The following ROS1 variants were observed in gnomAD, a reference collection of about 807,000 sequenced individuals.
The protein encoded by ROS1 is ROS proto-oncogene 1, receptor tyrosine kinase, also known as proto-oncogene tyrosine-protein kinase ROS.
ROS1 carries 263 observed loss-of-function variants against 273.5 expected under a neutral mutation model. The ratio of observed to expected loss-of-function variants is 0.96; its 90% confidence interval spans 0.87 to 1.06. The LOEUF is 1.06. Among genes scored for constraint, ROS1 ranks in the 50% least tolerant of loss-of-function variants. The probability of loss-of-function intolerance (pLI) is 0.00; values close to 1 mark genes in which losing one functional copy is unlikely to be tolerated. For synonymous variants in ROS1, 1,008 were observed against 954.1 expected (o/e 1.06, Z -1.04); for missense variants, 2,833 against 2,751.1 (o/e 1.03, Z -0.67).
At chr6:117,386,746 T>C (rs1263160147) in intron 15 of ROS1, 143 bp downstream of exon 15, 2 of 483,164 alleles carry the variant, frequency 4.1e-6, no homozygotes, top group South Asian at 5.1e-5. Context: ...ACAGAATCAC[T>C]GGCAGTAGAG....
At position 117,301,100 on chromosome 6, in the gene ROS1, C is replaced by A; in HGVS notation, c.6589G>T (p.Asp2197Tyr). Residue 2197 changes from aspartate to tyrosine, a missense_variant, in exon 43 of 44, where the codon GAC becomes TAC. Asp to Tyr is a radical substitution (Grantham distance 160, BLOSUM62 -3). Coordinates refer to ENST00000368507, the MANE Select transcript of ROS1 (RefSeq NM_001378902.1). ...ATTCTATGAAAAGTAGGTCTTTGGT[C>A]GGGTTCTTGAGCCCAGCACTGGGTC... ...LMTQCWAQEP[D>Y]QRPTFHRIQD... is the part of the protein sequence containing the mutation. 1 of 1,600,056 alleles carries A rather than the reference C, an allele frequency of 6.2e-7. No individual in the cohort carries two copies. Among genetic ancestry groups the A allele is most frequent in the South Asian group, 1.2e-5 (1 of 86,910 alleles).
rs762771757 is a variant in ROS1, at chr6:117,320,033, G to A, written c.5760-3C>T. 6.2e-7 allele frequency: 1 copy of A among 1,612,534 alleles called. No individual in the cohort carries two copies. Among genetic ancestry groups the A allele is most frequent in the Admixed American group, 1.7e-5 (1 of 59,814 alleles). On this transcript the variant is annotated splice_polypyrimidine_tract_variant and splice_region_variant and intron_variant, in intron 36 of 43. Transcript: ENST00000368507. ...TCTCCTCTTGGGTTGGAAGAGTACTGTAAAATAGCAACATTTTTGTCTCCC... is the reference window on the plus strand; with the variant it reads ...TCTCCTCTTGGGTTGGAAGAGTACTATAAAATAGCAACATTTTTGTCTCCC...
intron 21 of ROS1, among the ~76,000 whole-genome samples, chr6:117,363,387 G>A (rs777143625): frequency 1.4e-4 from 21 of 152,156 alleles, no homozygotes; most frequent in Non-Finnish European, 2.9e-4. Flanking sequence ...TACCCCAAGA[G>A]TAAGGTTTGG....
At position 117,390,888 on chromosome 6, in the gene ROS1, A is replaced by C. The variant is rs73568832; in HGVS notation, c.1290-1042T>G. The stretch of plus-strand genomic sequence containing the variant: ...AGAAAACATACTGCCAAAATATTTC[A>C]TTGACAATGAAATATGTAAATAAAC... On this transcript the variant is annotated intron_variant, in intron 12 of 43. Transcript: ENST00000368507. Among the ~76,000 whole-genome samples the C allele has an allele frequency of 7.7e-3, 1,167 of 152,334 alleles. 11 individuals carry two copies. The highest frequency in any genetic ancestry group is 0.026 in the African/African-American group (1,090 of 41,574).
intron 2 of ROS1, among the ~76,000 whole-genome samples, chr6:117,417,686 C>T (rs1307493930): frequency 6.6e-6 from 1 of 152,148 alleles, no homozygotes; most frequent in African/African-American, 2.4e-5. Context: ...TACATGTACC[C>T]CAATTTCCAA....
rs755765799 is a variant in ROS1 at position 117,385,675 on chromosome 6, T to C, written c.2289+8A>G. 1.3e-5 allele frequency: 21 copies of C among 1,613,616 alleles called. No individual in the cohort carries two copies. Among genetic ancestry groups the C allele is most frequent in the Non-Finnish European group, 1.6e-5 (19 of 1,179,890 alleles). The stretch of plus-strand genomic sequence containing the variant: ...CTAGAGCATCCAGAATGCCATGCTT[T>C]AACTCACCACATATGTCTTTCCAGC... On this transcript the variant is annotated splice_region_variant and intron_variant, in intron 16 of 43. Transcript: ENST00000368507.
chr6:117,332,285 G>T (rs1404224642), intron 32 of ROS1, among the ~76,000 whole-genome samples: 1 of 151,880 alleles, frequency 6.6e-6, no homozygotes. Flanking sequence ...AATTCAACAA[G>T]AAGAGTTAAC....
At position 117,311,034 on chromosome 6, in the gene ROS1, C is replaced by A; in HGVS notation, c.6201G>T (p.Met2067Ile). ...ISKGCVYLER[M>I]HFIHRDLAAR... is the part of the protein sequence containing the mutation. ...GAGAATTGTACCTGTGAATGAAATG[C>A]ATCCGTTCCAAGTAGACACAGCCTT... Residue 2067 changes from methionine to isoleucine, a missense_variant, in exon 40 of 44, where the codon ATG becomes ATT. Coordinates refer to ENST00000368507, the MANE Select transcript of ROS1 (RefSeq NM_001378902.1). The A allele has an allele frequency of 6.2e-7, 1 of 1,607,018 alleles. No homozygotes were observed. Among genetic ancestry groups the A allele is most frequent in the Non-Finnish European group, 8.5e-7 (1 of 1,175,232 alleles).
chr6:117,351,682 C>G (rs916839499), intron 27 of ROS1, among the ~76,000 whole-genome samples: 6 of 152,168 alleles, frequency 3.9e-5, no homozygotes, highest in Non-Finnish European at 7.3e-5. Flanking sequence ...ATCTGTCTTT[C>G]CAACTGGGGA....
At chr6:117,289,784 C>T (rs2128522340) in intron 43 of ROS1, among the ~76,000 whole-genome samples, 1 of 152,258 alleles carries the variant, frequency 6.6e-6, no homozygotes, top group Non-Finnish European at 1.5e-5. Context: ...TCATCAGATG[C>T]CAAGTTTGGT....
At chr6:117,326,905 T>C (rs1216585809) in intron 33 of ROS1, among the ~76,000 whole-genome samples, 1 of 152,214 alleles carries the variant, frequency 6.6e-6, no homozygotes, top group Non-Finnish European at 1.5e-5. Context: ...CTGAGGCTCG[T>C]TGCTTCCTTT....
At chr6:117,422,897 G>C (rs543839319) in intron 1 of ROS1, among the ~76,000 whole-genome samples, 13 of 152,002 alleles carry the variant, frequency 8.6e-5, no homozygotes, top group Admixed American at 8.5e-4. Context: ...AATATACATA[G>C]ATACCTAGGA....
chr6:117,340,101 T>C (rs4145450), intron 31 of ROS1, among the ~76,000 whole-genome samples: 137,546 of 152,192 alleles, frequency 0.9, 62,187 homozygotes, highest in East Asian at 0.94. Flanking sequence ...AAATAGATGT[T>C]ATTTTAAAAG....
intron 42 of ROS1, among the ~76,000 whole-genome samples, chr6:117,305,321 G>A (rs1010304340): frequency 7.2e-5 from 11 of 152,264 alleles, no homozygotes; most frequent in Non-Finnish European, 1.2e-4. Context: ...GAGGAGGCCC[G>A]GGAAGAGGAA....
chr6:117,369,571 C>CA (rs902491761), intron 18 of ROS1, among the ~76,000 whole-genome samples: 2,013 of 142,566 alleles, frequency 0.014, 44 homozygotes, highest in African/African-American at 0.046. Flanking sequence ...GACTCCATCT[C>CA]AAAAAAAAAA....
In ROS1 at chr6:117,425,770, G is replaced by T; in HGVS notation, c.-114C>A. The T allele has an allele frequency of 8.3e-7, 1 of 1,198,798 alleles. No individual in the cohort carries two copies. Among genetic ancestry groups the T allele is most frequent in the Non-Finnish European group, 1.2e-6 (1 of 837,886 alleles). The allele number at this position is 1,198,798 out of a possible 1,614,324, so 74.3% of individuals were successfully genotyped here. ...AGGAGTAGCTGATGGATTTTGCTTT[G>T]TTTGTTTTGCTATATTAGGATATAC... On this transcript the variant is annotated 5_prime_UTR_variant, in exon 1 of 44. Coordinates refer to ENST00000368507, the MANE Select transcript of ROS1 (RefSeq NM_001378902.1).
chr6:117,374,820 G>A (rs1781177405), intron 18 of ROS1, among the ~76,000 whole-genome samples: 1 of 152,080 alleles, frequency 6.6e-6, no homozygotes, highest in Non-Finnish European at 1.5e-5. Context: ...GCATGGATGT[G>A]GTGAAGAGGG....
At position 117,385,770 on chromosome 6, in the gene ROS1, A is replaced by G. The variant is rs1456455321; in HGVS notation, c.2202T>C (p.Asn734=). The G allele has an allele frequency of 6.2e-7, 1 of 1,614,046 alleles. No homozygotes were observed. The highest frequency in any genetic ancestry group is 1.3e-5 in the African/African-American group (1 of 74,916). Residue 734 remains asparagine (N), a synonymous_variant, in exon 16 of 44, where the codon AAT becomes AAC. Coordinates refer to ENST00000368507, the MANE Select transcript of ROS1 (RefSeq NM_001378902.1). The part of the protein sequence containing the change: ...WLLNGTDISE[N]YHLPSIAGAG... ...CTCCTGCAATGCTGGGTAGGTGATA[A>G]TTCTCTGAGATATCCGTCCCATTCA...
chr6:117,365,773 GA>G (rs769566002), intron 19 of ROS1, 32 bp from the exon 20 acceptor site: 3 of 1,458,862 alleles, frequency 2.1e-6, no homozygotes, highest in Non-Finnish European at 2.7e-6. Context: ...AGAAATAGGA[GA>G]AAAAAATGGG....
Sources: allele counts gnomAD v4.1 joint callset (sites outside exome capture counted in the v4.1 genomes callset), GRCh38; gene constraint gnomAD v4.1.1; transcripts MANE v1.5; gene names NCBI Gene and HGNC (gene_info 2026-07-23, HGNC 2026-07-21).